The following AGMO variants were observed in gnomAD, a reference collection of about 807,000 sequenced individuals.
AGMO encodes alkylglycerol monooxygenase, also known as glyceryl-ether monooxygenase.
A neutral mutation model predicts 60.2 loss-of-function variants in AGMO; 75 were observed. The ratio of observed to expected loss-of-function variants is 1.25; its 90% confidence interval spans 1.03 to 1.51. AGMO has a LOEUF of 1.51. Among genes scored for constraint, AGMO ranks in the 40% most tolerant of loss-of-function variants. The pLI is 0.00. For synonymous variants in AGMO, 261 were observed against 177.1 expected (o/e 1.47, Z -3.76); for missense variants, 763 against 525.5 (o/e 1.45, Z -4.42).
At chr7:15,289,751 T>A (rs1453823510) in intron 12 of AGMO, among the ~76,000 whole-genome samples, 1 of 152,070 alleles carries the variant, frequency 6.6e-6, no homozygotes, top group Non-Finnish European at 1.5e-5. Context: ...CTTTTTTCTG[T>A]GGCTCAATTA....
chr7:15,273,634 A>C (rs1024305673), intron 12 of AGMO, among the ~76,000 whole-genome samples: 4 of 152,160 alleles, frequency 2.6e-5, no homozygotes, highest in African/African-American at 9.7e-5. Context: ...TGAACTTTAA[A>C]GTAGTTTTTT....
At chr7:15,247,495 G>C (rs933884287) in intron 12 of AGMO, among the ~76,000 whole-genome samples, 7 of 151,246 alleles carry the variant, frequency 4.6e-5, no homozygotes, top group Admixed American at 1.3e-4. Flanking sequence ...GAGAGGGAGA[G>C]AGAGACAGTA....
At chr7:15,279,099 C>T (rs1031547287) in intron 12 of AGMO, among the ~76,000 whole-genome samples, 2 of 152,162 alleles carry the variant, frequency 1.3e-5, no homozygotes, top group African/African-American at 4.8e-5. Flanking sequence ...TTGAGCAATG[C>T]CTGTGTACAG....
chr7:15,526,515 T>C (rs1395916199), intron 3 of AGMO, among the ~76,000 whole-genome samples: 1 of 152,192 alleles, frequency 6.6e-6, no homozygotes, highest in African/African-American at 2.4e-5. Flanking sequence ...GAGTTATGCG[T>C]TTGCCTGTAA....
At chr7:15,281,083 G>T (rs1783951669) in intron 12 of AGMO, among the ~76,000 whole-genome samples, 1 of 152,122 alleles carries the variant, frequency 6.6e-6, no homozygotes, top group Non-Finnish European at 1.5e-5. Flanking sequence ...AAGGGGGAAT[G>T]CAACACATCA....
chr7:15,437,342 A>G (rs975081203), intron 3 of AGMO, among the ~76,000 whole-genome samples: 4 of 152,130 alleles, frequency 2.6e-5, no homozygotes, highest in African/African-American at 7.2e-5. Flanking sequence ...TAATTTTTCT[A>G]TTCTATCCTT....
intron 3 of AGMO, among the ~76,000 whole-genome samples, chr7:15,492,858 C>T (rs1381967759): frequency 6.6e-6 from 1 of 152,078 alleles, no homozygotes. Flanking sequence ...CTTTTGGTCG[C>T]GCGTTGGGTT....
At chr7:15,252,997 T>C (rs74731387) in intron 12 of AGMO, among the ~76,000 whole-genome samples, 4 of 152,200 alleles carry the variant, frequency 2.6e-5, no homozygotes, top group Non-Finnish European at 5.9e-5. Context: ...GTAGAAGTCA[T>C]TGATACACTA....
chr7:15,483,822 G>A (rs942579902), intron 3 of AGMO, among the ~76,000 whole-genome samples: 1 of 151,992 alleles, frequency 6.6e-6, no homozygotes, highest in Admixed American at 6.6e-5. Flanking sequence ...TTGAGGGACT[G>A]TGCAAGATGA....
rs541347872 is a variant in AGMO, at chr7:15,431,964, T to G, written c.410-856A>C. Among the ~76,000 whole-genome samples, 12 of 151,954 alleles carry G rather than the reference T, an allele frequency of 7.9e-5. No homozygotes were observed. The South Asian group carries it at 2.1e-3, about 26-fold the overall frequency. ...GTCATTTTTTATTCTGCCCATATTT[T>G]AAAAATTGTATTGCCATTTTTCATT... is the stretch of plus-strand genomic sequence containing the variant. On this transcript the variant is annotated intron_variant, in intron 3 of 12. Coordinates refer to ENST00000342526, the MANE Select transcript of AGMO (RefSeq NM_001004320.2).
At chr7:15,396,496 G>C (rs554104382) in intron 5 of AGMO, 7 of 152,380 alleles carry the variant, frequency 4.6e-5, no homozygotes, top group East Asian at 1.9e-4. Context: ...GGGACCCAAA[G>C]AACGAGCAGC....
At chr7:15,558,118 T>C (rs1785199726) in intron 2 of AGMO, among the ~76,000 whole-genome samples, 1 of 151,886 alleles carries the variant, frequency 6.6e-6, no homozygotes, top group African/African-American at 2.4e-5. Context: ...CTTTTTAAAA[T>C]AACACTGCTA....
chr7:15,315,400 C>T (rs1224426276), intron 12 of AGMO, among the ~76,000 whole-genome samples: 5 of 122,228 alleles, frequency 4.1e-5, no homozygotes, highest in Admixed American at 1.1e-4. Flanking sequence ...TGTAGTGGCG[C>T]GATCTAGGCT....
intron 10 of AGMO, among the ~76,000 whole-genome samples, chr7:15,377,610 T>C (rs919683173): frequency 6.6e-6 from 1 of 152,036 alleles, no homozygotes; most frequent in African/African-American, 2.4e-5. Flanking sequence ...TTTAGAGATT[T>C]TATTTAATAC....
At chr7:15,375,173 C>T (rs1009951410) in intron 10 of AGMO, among the ~76,000 whole-genome samples, 3 of 152,026 alleles carry the variant, frequency 2.0e-5, no homozygotes, top group African/African-American at 7.3e-5. Flanking sequence ...TTTTTGAATG[C>T]TCCATAAAAC....
At chr7:15,244,752 T>C (rs920732626) in intron 12 of AGMO, among the ~76,000 whole-genome samples, 2 of 152,008 alleles carry the variant, frequency 1.3e-5, no homozygotes, top group African/African-American at 4.8e-5. Flanking sequence ...CCCGGGTTCA[T>C]GCCTTTCTCC....
intron 3 of AGMO, among the ~76,000 whole-genome samples, chr7:15,540,618 T>C (rs1026921935): frequency 6.6e-6 from 1 of 152,170 alleles, no homozygotes; most frequent in South Asian, 2.1e-4. Flanking sequence ...TAGATTTGGA[T>C]AAGAGAGGCA....
At chr7:15,397,803 G>C (rs1314367661) in intron 5 of AGMO, among the ~76,000 whole-genome samples, 1 of 152,132 alleles carries the variant, frequency 6.6e-6, no homozygotes, top group East Asian at 1.9e-4. Flanking sequence ...AAAATACTGT[G>C]AATATATAGC....
At chr7:15,376,019 G>T (rs1273756240) in intron 10 of AGMO, among the ~76,000 whole-genome samples, 1 of 151,964 alleles carries the variant, frequency 6.6e-6, no homozygotes, top group Non-Finnish European at 1.5e-5. Context: ...AAATGTAGTG[G>T]ACAAAAAATA....
Sources: gnomAD v4.1 joint callset for allele counts (sites outside exome capture counted in the v4.1 genomes callset) on GRCh38, gnomAD v4.1.1 for gene constraint, MANE v1.5 for transcripts, NCBI Gene and HGNC (gene_info 2026-07-23, HGNC 2026-07-21) for gene names.